ZNF782: variants seen among roughly 807,000 people sequenced by gnomAD.
ZNF782 encodes zinc finger protein 782.
A neutral mutation model predicts 13.0 loss-of-function variants in ZNF782; 12 were observed. That is an observed-to-expected ratio of 0.92 (90% CI 0.59 to 1.50). ZNF782 has a LOEUF of 1.50. ZNF782 is among the 40% of genes most tolerant of loss of function. ZNF782 has a pLI of 0.00. For missense variants in ZNF782, 770 were observed against 822.9 expected, an observed-to-expected ratio of 0.94 and a Z score of 0.79; for synonymous variants, 284 against 283.0, an observed-to-expected ratio of 1.00 and a Z score of -0.04.
At chr9:96,898,348 G>A in the ZNF782 span, among the ~76,000 whole-genome samples, 1 of 147,962 alleles carries the variant, frequency 6.8e-6, no homozygotes, top group East Asian at 2.3e-4. Context: ...TCTGCTTTGT[G>A]TTTCTATGAA....
chr9:96,819,598 C>G lies in ZNF782; in HGVS notation c.425G>C (p.Gly142Ala). Reference protein sequence around the residue: ...RMMPCKCDIAGSACQGLSLMA... With the variant: ...RMMPCKCDIAASACQGLSLMA... Reference sequence around the variant, plus strand: ...CAGGCTGAGCCCCTGGCAAGCAGACCCCGCAATGTCACATTTACAAGGCAT... The same window carrying G: ...CAGGCTGAGCCCCTGGCAAGCAGACGCCGCAATGTCACATTTACAAGGCAT... The change falls in exon 6 of 6, where the codon GGG becomes GCG. Residue 142 changes from glycine to alanine, a missense_variant. Gly to Ala is a moderately conservative substitution (Grantham distance 60). Transcript: ENST00000481138. 6.2e-7 allele frequency: 1 copy of G among 1,613,768 alleles called. No homozygotes were observed. Among genetic ancestry groups the G allele is most frequent in the Non-Finnish European group, 8.5e-7 (1 of 1,179,956 alleles).
intron 4 of ZNF782, among the ~76,000 whole-genome samples, chr9:96,833,876 C>G (rs944390778): frequency 6.6e-6 from 1 of 151,884 alleles, no homozygotes; most frequent in African/African-American, 2.4e-5. Flanking sequence ...GGTTATGAAC[C>G]AATACTATGT....
the ZNF782 span, among the ~76,000 whole-genome samples, chr9:96,932,869 G>C: frequency 6.6e-6 from 1 of 151,574 alleles, no homozygotes; most frequent in Non-Finnish European, 1.5e-5. Context: ...GGCTGGTCTT[G>C]AACTCCCGAC....
chr9:96,839,460 T>C (rs965370481), intron 4 of ZNF782, among the ~76,000 whole-genome samples: 12 of 152,230 alleles, frequency 7.9e-5, no homozygotes, highest in Non-Finnish European at 1.5e-4. Context: ...TGGTTTTAGC[T>C]GTACTTAAAG....
chr9:96,925,275 T>A, the ZNF782 span, among the ~76,000 whole-genome samples: 1 of 150,390 alleles, frequency 6.6e-6, no homozygotes, highest in Admixed American at 6.6e-5. Flanking sequence ...GAGGGACGCC[T>A]CACCAGGGCG....
Position 96,818,730 on chromosome 9 carries a change from G to A in ZNF782, c.1293C>T (p.Phe431=), listed in dbSNP as rs778943438. The A allele has an allele frequency of 1.9e-6, 3 of 1,614,014 alleles. No homozygotes were observed. The East Asian group carries it at 6.7e-5, about 36-fold the overall frequency. ...PYKCDGCDKA[F]SAKSGLRIHQ... ...GTATTCTTAGGCCTGACTTTGCACT[G>A]AAAGCTTTATCACATCCATCACATT... Residue 431 remains phenylalanine (F), a synonymous_variant, in exon 6 of 6, where the codon TTC becomes TTT. Coordinates refer to ENST00000481138, the MANE Select transcript of ZNF782 (RefSeq NM_001001662.3).
At chr9:96,881,791 T>C in the ZNF782 span, among the ~76,000 whole-genome samples, 1 of 152,132 alleles carries the variant, frequency 6.6e-6, no homozygotes, top group Non-Finnish European at 1.5e-5. Flanking sequence ...TCCATTCTTA[T>C]GCCAATATCA....
At position 96,843,087 on chromosome 9, in the gene ZNF782, A is replaced by G. The variant is rs1273929992; in HGVS notation, c.142+1803T>C. On this transcript the variant is annotated intron_variant, in intron 4 of 5. Coordinates refer to ENST00000481138, the MANE Select transcript of ZNF782 (RefSeq NM_001001662.3). The stretch of plus-strand genomic sequence containing the variant: ...TAGGGAATAACTGGATCCCTCATAC[A>G]TTGCTGGTGGAAATGCAAAATGGTA... Among the ~76,000 whole-genome samples the G allele has an allele frequency of 2.6e-5, 4 of 152,292 alleles. No homozygotes were observed. In the East Asian group the frequency reaches 7.7e-4, roughly 29 times the overall value.
the ZNF782 span, chr9:96,932,515 G>C: frequency 8.0e-7 from 1 of 1,255,634 alleles, no homozygotes; most frequent in Non-Finnish European, 1.1e-6. Flanking sequence ...GAGCTTGCAG[G>C]GCGGTTGTGA....
the ZNF782 span, among the ~76,000 whole-genome samples, chr9:96,917,887 C>CGCGTGTGTGTGTGTGTGTGTGTGTGTGT: frequency 1.6e-5 from 2 of 121,720 alleles, no homozygotes; most frequent in Admixed American, 1.7e-4. Flanking sequence ...CCACCCTTGG[C>CGCGTGTGTGTGTGTGTGTGTGTGTGTGT]GTGTGTGTGT....
chr9:96,902,464 T>C, the ZNF782 span, among the ~76,000 whole-genome samples: 3 of 129,550 alleles, frequency 2.3e-5, no homozygotes, highest in Admixed American at 7.6e-5. Flanking sequence ...ACTTGTCTAA[T>C]TTACTTTCAT....
rs114891637 is a variant in ZNF782 at position 96,830,384 on chromosome 9, T to G, written c.143-3203A>C. ...AGTGACAAGGTCCCCTGCCCCCCAG[T>G]GTCAGTAGAAGCCCCATGGGGAGCA... On this transcript the variant is annotated intron_variant, in intron 4 of 5. Transcript: ENST00000481138. Among the ~76,000 whole-genome samples, 726 of 152,080 alleles carry G rather than the reference T, an allele frequency of 4.8e-3. 5 individuals carry two copies. Among genetic ancestry groups the G allele is most frequent in the African/African-American group, 0.016 (683 of 41,470 alleles).
chr9:96,857,241 T>C (rs1469745091), upstream of ZNF782, among the ~76,000 whole-genome samples: 1 of 152,174 alleles, frequency 6.6e-6, no homozygotes, highest in African/African-American at 2.4e-5. Flanking sequence ...TTTATGAGTG[T>C]GAAGGTGACA....
upstream of ZNF782, among the ~76,000 whole-genome samples, chr9:96,857,390 G>C (rs897887257): frequency 1.3e-5 from 2 of 152,176 alleles, no homozygotes; most frequent in Non-Finnish European, 2.9e-5. Flanking sequence ...TGCTCTGCCT[G>C]ATCAAGCAAA....
Position 96,819,079 on chromosome 9 carries a change from T to C in ZNF782, c.944A>G (p.Tyr315Cys). ...TGAATTACGGTTGAAACTTTTTCCA[T>C]ATTCAAAGGGTTTCACCCCTATATG... Reference protein sequence around the residue: ...RVHIGVKPFEYGKSFNRNSTL... With the variant: ...RVHIGVKPFECGKSFNRNSTL... The change falls in exon 6 of 6, where the codon TAT (tyrosine) becomes TGT (cysteine). Residue 315 changes from tyrosine (Y) to cysteine (C), a missense_variant. Coordinates refer to ENST00000481138, the MANE Select transcript of ZNF782 (RefSeq NM_001001662.3). 6.2e-7 allele frequency: 1 copy of C among 1,614,150 alleles called. No individual in the cohort carries two copies. The highest frequency in any genetic ancestry group is 1.7e-5 in the Admixed American group (1 of 60,022).
intron 2 of ZNF782, among the ~76,000 whole-genome samples, chr9:96,852,335 C>T (rs1851519760): frequency 6.6e-6 from 1 of 152,192 alleles, no homozygotes; most frequent in Admixed American, 6.5e-5. Flanking sequence ...GGGTAAGACA[C>T]TATTCTTTCA....
the ZNF782 span, among the ~76,000 whole-genome samples, chr9:96,931,192 CA>C: frequency 6.6e-6 from 1 of 151,958 alleles, no homozygotes; most frequent in Non-Finnish European, 1.5e-5. Context: ...CCGGCCTATC[CA>C]GTGGTTTTCT....
intron 5 of ZNF782, among the ~76,000 whole-genome samples, chr9:96,820,342 C>T (rs1588146212): frequency 6.6e-6 from 1 of 152,076 alleles, no homozygotes; most frequent in African/African-American, 2.4e-5. Context: ...ATAATGACAC[C>T]AATTTCCTCA....
upstream of ZNF782, among the ~76,000 whole-genome samples, chr9:96,856,608 G>A (rs913493234): frequency 1.1e-4 from 17 of 152,220 alleles, no homozygotes; most frequent in African/African-American, 3.9e-4. Context: ...AAGGTAAGAG[G>A]ATCAGGCTGC....
Sources: allele counts gnomAD v4.1 joint callset (sites outside exome capture counted in the v4.1 genomes callset), GRCh38; gene constraint gnomAD v4.1.1; transcripts MANE v1.5; gene names NCBI Gene and HGNC (gene_info 2026-07-23, HGNC 2026-07-21).